Variants in EDRF1 observed in about 807,000 individuals in gnomAD.
EDRF1 encodes the protein erythroid differentiation regulatory factor 1.
A neutral mutation model predicts 148.7 loss-of-function variants in EDRF1; 69 were observed. That is an observed-to-expected ratio of 0.46 (90% confidence interval 0.38 to 0.57). The LOEUF (loss-of-function observed/expected upper bound fraction) is 0.57, where lower values mean the gene tolerates loss of function less well. EDRF1 is among the 20% of genes least tolerant of loss of function. The probability of loss-of-function intolerance (pLI) is 0.00; values close to 1 mark genes in which losing one functional copy is unlikely to be tolerated. For missense variants in EDRF1, 1,118 were observed against 1,478.7 expected (o/e 0.76, Z 4.00); for synonymous variants, 515 against 532.8 (o/e 0.97, Z 0.46).
chr10:125,743,277 G>T lies in EDRF1; in HGVS notation c.2590+1G>T, dbSNP rs770381502. Reference sequence around the variant, plus strand: ...GCTGCATTACAGAGTGAGAGACTAGGTGAGTATCTCTTTAGATTCCTCTCT... The same window carrying T: ...GCTGCATTACAGAGTGAGAGACTAGTTGAGTATCTCTTTAGATTCCTCTCT... On this transcript the variant is annotated splice_donor_variant, in intron 18 of 24. Transcript: ENST00000356792. LOFTEE classifies it high-confidence loss of function. The T allele has an allele frequency of 6.2e-7, 1 of 1,606,548 alleles. No individual in the cohort carries two copies. The highest frequency in any genetic ancestry group is 8.5e-7 in the Non-Finnish European group (1 of 1,173,388).
At chr10:125,752,681 A>T in intron 22 of EDRF1, 118 bp from the exon 23 acceptor site, 1 of 687,520 alleles carries the variant, frequency 1.5e-6, no homozygotes, top group Non-Finnish European at 2.5e-6. Flanking sequence ...AAGATTTAAG[A>T]TTCTCATTAG....
rs199782104 is a variant in EDRF1, at chr10:125,750,949, T to TTTTTG, written c.3277+1403_3277+1407dup. Among the ~76,000 whole-genome samples, 308 of 152,248 alleles carry TTTTTG rather than the reference T, an allele frequency of 2.0e-3. 2 individuals are homozygous for TTTTTG. Among genetic ancestry groups the TTTTTG allele is most frequent in the Non-Finnish European group, 3.3e-3 (226 of 68,008 alleles). On this transcript the variant is annotated intron_variant, in intron 22 of 24. Transcript: ENST00000356792. ...ATCTTTTTTGTTGTTGGGGTTTTGT[T>TTTTTG]TTTTGTTTTGTTTTGTTTTGTTTGA... is the stretch of plus-strand genomic sequence containing the variant.
intron 24 of EDRF1, among the ~76,000 whole-genome samples, chr10:125,758,378 T>A (rs1422115165): frequency 6.6e-6 from 1 of 152,246 alleles, no homozygotes; most frequent in Non-Finnish European, 1.5e-5. Flanking sequence ...ATGTTGTTTT[T>A]TCCTTGCCTT....
At chr10:125,733,256 A>G in intron 9 of EDRF1, 148 bp from the exon 10 acceptor site, 1 of 608,078 alleles carries the variant, frequency 1.6e-6, no homozygotes, top group South Asian at 2.0e-5. Context: ...TGGGGCAGAA[A>G]AAAGATTAAA....
At chr10:125,750,205 A>G (rs1849570091) in intron 22 of EDRF1, among the ~76,000 whole-genome samples, 1 of 152,214 alleles carries the variant, frequency 6.6e-6, no homozygotes, top group South Asian at 2.1e-4. Context: ...ATGGAGAGGC[A>G]ACAGTAAAGG....
In EDRF1 at chr10:125,732,938, T is replaced by C. The variant is rs1266846622; in HGVS notation, c.1129-466T>C. ...TCCATAGATGAAGGGAAGAGAGGTGTCTACTGGAAAATTTCCTAAATGATT... is the reference window on the plus strand; with the variant it reads ...TCCATAGATGAAGGGAAGAGAGGTGCCTACTGGAAAATTTCCTAAATGATT... On this transcript the variant is annotated intron_variant, in intron 9 of 24. Coordinates refer to ENST00000356792, the MANE Select transcript of EDRF1 (RefSeq NM_001202438.2). Among the ~76,000 whole-genome samples the C allele has an allele frequency of 3.3e-5, 5 of 152,178 alleles. No individual in the cohort carries two copies. The East Asian group carries it at 7.7e-4, about 23-fold the overall frequency.
At chr10:125,746,214 C>A (rs1349264032) in intron 19 of EDRF1, among the ~76,000 whole-genome samples, 1 of 152,112 alleles carries the variant, frequency 6.6e-6, no homozygotes, top group Admixed American at 6.5e-5. Context: ...GAAAGTGAAA[C>A]TGTAAAAGTA....
intron 12 of EDRF1, 145 bp downstream of exon 12, chr10:125,734,328 T>C (rs549821773): frequency 4.3e-5 from 30 of 698,294 alleles, no homozygotes; most frequent in Non-Finnish European, 7.0e-5. Flanking sequence ...TGTTGATCAC[T>C]TAAAATGTGC....
In EDRF1 at chr10:125,734,098, A is replaced by G; in HGVS notation, c.1412A>G (p.Lys471Arg). Reference sequence around the variant, plus strand: ...GTTGCTTGCAACATGATGATGAAGAAGAATCAAAATAAGAAACACTATGGA... The same window carrying G: ...GTTGCTTGCAACATGATGATGAAGAGGAATCAAAATAAGAAACACTATGGA... ...YKVACNMMMKKNQNKKHYGTI... is the reference protein window; with the variant it reads ...YKVACNMMMKRNQNKKHYGTI... The change falls in exon 12 of 25, where the codon AAG (lysine) becomes AGG (arginine). Residue 471 changes from lysine to arginine, a missense_variant. Around this residue, in one of 3 missense-constraint regions of EDRF1, gnomAD observed 954 missense variants for 1,241.4 expected, o/e 0.77. Coordinates refer to ENST00000356792, the MANE Select transcript of EDRF1 (RefSeq NM_001202438.2). The G allele has an allele frequency of 6.2e-7, 1 of 1,613,280 alleles. No individual in the cohort carries two copies. The highest frequency in any genetic ancestry group is 2.2e-5 in the East Asian group (1 of 44,834).
At chr10:125,742,478 T>C (rs72839211) in intron 17 of EDRF1, 114,911 of 1,026,640 alleles carry the variant, frequency 0.11, 7,104 homozygotes, top group Admixed American at 0.28. Flanking sequence ...GAGGGAAAAA[T>C]GTGTTATTTT....
At chr10:125,749,681 T>C in intron 22 of EDRF1, 116 bp downstream of exon 22, 1 of 1,259,240 alleles carries the variant, frequency 7.9e-7, no homozygotes, top group African/African-American at 1.5e-5. Context: ...ATTTGCCCCA[T>C]AGTTAATGAC....
At chr10:125,725,196 A>T in intron 4 of EDRF1, 122 bp from the exon 5 acceptor site, 1 of 1,175,674 alleles carries the variant, frequency 8.5e-7, no homozygotes, top group Non-Finnish European at 1.2e-6. Context: ...ATATGTTTTT[A>T]ATGAGTATGT....
chr10:125,759,307 T>C (rs1850075182), intron 24 of EDRF1, among the ~76,000 whole-genome samples: 1 of 152,228 alleles, frequency 6.6e-6, no homozygotes, highest in African/African-American at 2.4e-5. Flanking sequence ...AAGGAAGGAC[T>C]GTCCTTTCTC....
chr10:125,743,458 A>G (rs1231526680), intron 18 of EDRF1, among the ~76,000 whole-genome samples, 182 bp downstream of exon 18: 1 of 152,202 alleles, frequency 6.6e-6, no homozygotes. Context: ...CTTGGAATGA[A>G]TTATTTCAAT....
chr10:125,730,697 C>T (rs1848445837), intron 9 of EDRF1, among the ~76,000 whole-genome samples: 1 of 152,196 alleles, frequency 6.6e-6, no homozygotes, highest in Non-Finnish European at 1.5e-5. Context: ...AAAGTGTCTA[C>T]ACAATGGAGG....
Position 125,745,867 on chromosome 10 carries a change from C to T in EDRF1, c.2751C>T (p.His917=), listed in dbSNP as rs1849326636. The T allele has an allele frequency of 6.2e-7, 1 of 1,614,236 alleles. No homozygotes were observed. The highest frequency in any genetic ancestry group is 8.5e-7 in the Non-Finnish European group (1 of 1,180,032). Residue 917 remains histidine, a synonymous_variant, in exon 19 of 25, where the codon CAC becomes CAT. Transcript: ENST00000356792. ...GRLMRICAQA[H]CGAGDELKRE... is the part of the protein sequence containing the mutation. The stretch of plus-strand genomic sequence containing the variant: ...TCATGCGGATTTGTGCGCAGGCCCA[C>T]TGTGGTGCAGGGGATGAACTGAAAC...
At chr10:125,751,641 G>A (rs978585363) in intron 22 of EDRF1, among the ~76,000 whole-genome samples, 6 of 152,138 alleles carry the variant, frequency 3.9e-5, no homozygotes, top group African/African-American at 7.2e-5. Context: ...CTCCCCACCC[G>A]CAGAGTCGGG....
chr10:125,742,066 AT>A (rs1849051528), intron 17 of EDRF1, among the ~76,000 whole-genome samples: 1 of 152,246 alleles, frequency 6.6e-6, no homozygotes, highest in Non-Finnish European at 1.5e-5. Flanking sequence ...TAACAAAGCC[AT>A]AGGTTTCCTT....
At chr10:125,726,063 T>A (rs1272067766) in intron 6 of EDRF1, among the ~76,000 whole-genome samples, 2 of 152,182 alleles carry the variant, frequency 1.3e-5, no homozygotes, top group African/African-American at 4.8e-5. Context: ...CAGATTTTTT[T>A]ATTAAATCGA....
Sources: allele counts gnomAD v4.1 joint callset (sites outside exome capture counted in the v4.1 genomes callset), GRCh38; gene constraint gnomAD v4.1.1; regional missense constraint gnomAD v4.1.1; transcripts MANE v1.5; gene names NCBI Gene and HGNC (gene_info 2026-07-23, HGNC 2026-07-21).